Variants in UNC13A observed in about 807,000 individuals in gnomAD.
UNC13A encodes unc-13 homolog A, also known as protein unc-13 homolog A.
In UNC13A, 61 loss-of-function variants were observed where a neutral mutation model predicts 219.7. The ratio of observed to expected loss-of-function variants is 0.28; its 90% CI spans 0.23 to 0.34. UNC13A has a LOEUF of 0.34. Ranked by LOEUF, UNC13A falls within the 10% of genes least tolerant of loss-of-function variation. UNC13A has a pLI of 1.00. For missense variants in UNC13A, 1,476 were observed against 2,270.3 expected (o/e 0.65, Z 7.11); for synonymous variants, 920 against 884.6 (o/e 1.04, Z -0.71).
chr19:17,665,284 G>C (rs941441369), intron 7 of UNC13A, among the ~76,000 whole-genome samples: 3 of 152,024 alleles, frequency 2.0e-5, no homozygotes, highest in African/African-American at 4.8e-5. Context: ...TTTGGTGTCA[G>C]CAGGTGGGAG....
In UNC13A at chr19:17,640,018, C is replaced by A. The variant is rs543282968; in HGVS notation, c.2788-110G>T. On this transcript the variant is annotated intron_variant, in intron 22 of 43. Transcript: ENST00000519716. ...ACCTCATCCACCACCCTCATAATGT[C>A]CATTTCCATTCTATGGCATTTTTTT... 2.4e-4 allele frequency: 255 copies of A among 1,078,610 alleles called. No homozygotes were observed. The South Asian group carries it at 3.4e-3, about 14-fold the overall frequency. 66.8% of individuals were successfully genotyped at this position (1,078,610 alleles called of 1,614,324 possible).
At chr19:17,645,325 A>C (rs2077014735) in intron 19 of UNC13A, among the ~76,000 whole-genome samples, 2 of 152,040 alleles carry the variant, frequency 1.3e-5, no homozygotes, top group South Asian at 4.1e-4. Flanking sequence ...TGGATTCTTA[A>C]AGCTCAATCT....
At chr19:17,623,587 G>T (rs376792123) in intron 35 of UNC13A, 40 bp from the exon 36 acceptor site, 1 of 619,758 alleles carries the variant, frequency 1.6e-6, no homozygotes, top group Non-Finnish European at 2.7e-6. Flanking sequence ...GGGGAGGGGG[G>T]AATAAGGTAC....
chr19:17,606,065 G>A lies in UNC13A; in HGVS notation c.5101C>T (p.Pro1701Ser), dbSNP rs1375758674. 1.3e-6 allele frequency: 2 copies of A among 1,568,794 alleles called. No individual in the cohort carries two copies. Among genetic ancestry groups the A allele is most frequent in the African/African-American group, 1.4e-5 (1 of 70,536 alleles). Residue 1701 changes from proline (P) to serine (S), a missense_variant, in exon 44 of 44, where the codon CCT becomes TCT. Physicochemically the swap from Pro to Ser is moderately conservative, Grantham distance 74 (BLOSUM62 -1). Transcript: ENST00000519716. ...GCCGACCGCCCGCGCTAAGGCGCAG[G>A]CGCGGCACCGCCCTCCTCGGCGGAG... Reference protein sequence around the residue: ...TRSAEEGGAAPAP With the variant: ...TRSAEEGGAASAP
chr19:17,664,151 T>C (rs1416113906), intron 7 of UNC13A, among the ~76,000 whole-genome samples: 1 of 151,906 alleles, frequency 6.6e-6, no homozygotes, highest in East Asian at 1.9e-4. Flanking sequence ...ACAAAGTGGG[T>C]ATTTGGGCCC....
At position 17,649,551 on chromosome 19, in the gene UNC13A, T is replaced by A. The variant is rs752113076; in HGVS notation, c.1476A>T (p.Pro492=). 22 of 1,613,768 alleles carry A rather than the reference T, an allele frequency of 1.4e-5. No homozygotes were observed. Among genetic ancestry groups the A allele is most frequent in the South Asian group, 2.2e-5 (2 of 91,080 alleles). The change falls in exon 13 of 44, where the codon CCA becomes CCT. Residue 492 remains proline (P), a synonymous_variant. Transcript: ENST00000519716. The surrounding 1 kb of genome is among the most constrained non-coding windows in gnomAD (Gnocchi z 4.4). The stretch of plus-strand genomic sequence containing the variant: ...GGATAGGTTTCCTCTTGCGGATGTC[T>A]GGCATGCTGTCGATGATGATGAGAC... ...GGGLIIIDSM[P]DIRKRKPIPL... is the part of the protein sequence containing the mutation.
rs1237474471 is a variant in UNC13A, at chr19:17,626,804, A to G, written c.3921-19T>C. 6.2e-7 allele frequency: 1 copy of G among 1,605,526 alleles called. No individual in the cohort carries two copies. The highest frequency in any genetic ancestry group is 8.5e-7 in the Non-Finnish European group (1 of 1,174,580). On this transcript the variant is annotated intron_variant, in intron 33 of 43. Transcript: ENST00000519716. Reference sequence around the variant, plus strand: ...CTGGAAGCTGGGGACACAGAAGGGAAGGGCTCAGACCACAGGAAGGGCTGG... The same window carrying G: ...CTGGAAGCTGGGGACACAGAAGGGAGGGGCTCAGACCACAGGAAGGGCTGG...
At chr19:17,624,784 AGG>A in intron 35 of UNC13A, 43 bp downstream of exon 35, 2 of 1,583,866 alleles carry the variant, frequency 1.3e-6, no homozygotes, top group South Asian at 2.3e-5. Context: ...GGCTCTCGCC[AGG>A]GAGGTGGCCT....
intron 5 of UNC13A, among the ~76,000 whole-genome samples, chr19:17,669,087 T>G (rs1363063093): frequency 3.3e-5 from 5 of 152,182 alleles, no homozygotes; most frequent in African/African-American, 1.2e-4. Context: ...TGAGAAGCTA[T>G]GCCTGGCCAG....
chr19:17,632,986 G>T, intron 27 of UNC13A, 78 bp from the exon 28 acceptor site: 2 of 1,608,676 alleles, frequency 1.2e-6, no homozygotes, highest in Non-Finnish European at 1.7e-6. Flanking sequence ...GCCTACTCTG[G>T]CCATCACTGA....
rs893721742 is a variant in UNC13A at position 17,647,194 on chromosome 19, T to C, written c.2044+71A>G. 49 of 1,408,044 alleles carry C rather than the reference T, an allele frequency of 3.5e-5. No individual in the cohort carries two copies. The African/African-American group carries it at 5.7e-4, about 16-fold the overall frequency. 87.2% of individuals were successfully genotyped at this position (1,408,044 alleles called of 1,614,324 possible). A position where few individuals can be genotyped will look rare whatever the true frequency, so the allele number is the denominator to read the frequency against. ...GCTGCAAAGGAGAGGGACCAGGCCA[T>C]GGGACAGGGCATGAGACAGGTCTCA... On this transcript the variant is annotated intron_variant, in intron 17 of 43. Transcript: ENST00000519716.
chr19:17,684,526 C>A (rs1211226252), intron 1 of UNC13A, among the ~76,000 whole-genome samples: 1 of 152,208 alleles, frequency 6.6e-6, no homozygotes, highest in African/African-American at 2.4e-5. Context: ...CCATTCACAG[C>A]CTCAGGATCC....
chr19:17,645,702 G>A lies in UNC13A; in HGVS notation c.2328C>T (p.Ser776=), dbSNP rs566710071. Residue 776 remains serine (S), a synonymous_variant, in exon 19 of 44, where the codon AGC becomes AGT. Coordinates refer to ENST00000519716, the MANE Select transcript of UNC13A (RefSeq NM_001080421.3). ...GGTTGTACCACACGTCCATCTCGCC[G>A]CTGAGCGTCCGCACCTCAATGATCG... ...GQTIIEVRTL[S]GEMDVWYNLD... The A allele has an allele frequency of 7.4e-6, 12 of 1,614,174 alleles. No individual in the cohort carries two copies. Among genetic ancestry groups the A allele is most frequent in the East Asian group, 2.2e-5 (1 of 44,890 alleles).
chr19:17,663,607 CAG>C (rs1281697945), intron 7 of UNC13A, 40 bp from the exon 8 acceptor site: 1 of 1,584,164 alleles, frequency 6.3e-7, no homozygotes, highest in Non-Finnish European at 8.6e-7. Flanking sequence ...AGGGAGCAGA[CAG>C]AGGGGTGGGT....
chr19:17,659,621 T>C (rs1021057428), intron 8 of UNC13A, among the ~76,000 whole-genome samples: 2 of 151,732 alleles, frequency 1.3e-5, no homozygotes, highest in Non-Finnish European at 2.9e-5. Context: ...ATTTAAAAAT[T>C]AGCTGGGCGT....
chr19:17,635,988 C>T lies in UNC13A; in HGVS notation c.3215+36G>A, dbSNP rs779488697. The T allele has an allele frequency of 5.0e-6, 8 of 1,587,686 alleles. No homozygotes were observed. The African/African-American group carries it at 5.4e-5, about 11-fold the overall frequency. On this transcript the variant is annotated intron_variant, in intron 26 of 43. Transcript: ENST00000519716. ...AAAGTTGTATACATACACACGATGA[C>T]ACCCAGATAATTAACTACACAGATA...
intron 11 of UNC13A, among the ~76,000 whole-genome samples, chr19:17,653,671 CT>C (rs1480870781): frequency 6.6e-6 from 1 of 150,858 alleles, no homozygotes; most frequent in Non-Finnish European, 1.5e-5. Context: ...TTATTTTTTT[CT>C]TTTAGAGATG....
chr19:17,616,285 G>C (rs1447325088), intron 41 of UNC13A: 1 of 586,718 alleles, frequency 1.7e-6, no homozygotes, highest in Non-Finnish European at 3.1e-6. Context: ...AGCCGCTCAG[G>C]CCTGGGCGGC....
chr19:17,651,127 T>A (rs2079338573), intron 12 of UNC13A, among the ~76,000 whole-genome samples: 1 of 150,718 alleles, frequency 6.6e-6, no homozygotes, highest in Non-Finnish European at 1.5e-5. Context: ...TTCGTAGATA[T>A]GGGGTTTCAC....
Sources: gnomAD v4.1 joint callset for allele counts (sites outside exome capture counted in the v4.1 genomes callset) on GRCh38, gnomAD v4.1.1 for gene constraint, Gnocchi (gnomAD v3.1) non-coding constraint, MANE v1.5 for transcripts, NCBI Gene and HGNC (gene_info 2026-07-23, HGNC 2026-07-21) for gene names.